CENPC: variants seen among roughly 807,000 people sequenced by gnomAD.
CENPC encodes the protein CENP-C 1.
Under a neutral mutation model 112.1 loss-of-function variants are expected in CENPC, and 63 were observed. That is an observed-to-expected ratio of 0.56 (90% CI 0.46 to 0.69). The LOEUF (loss-of-function observed/expected upper bound fraction) is 0.69, where lower values mean the gene tolerates loss of function less well. Ranked by LOEUF, CENPC falls within the 30% of genes least tolerant of loss-of-function variation. The probability of loss-of-function intolerance (pLI) is 0.00; values close to 1 mark genes in which losing one functional copy is unlikely to be tolerated. For synonymous variants in CENPC, 333 were observed against 367.6 expected (o/e 0.91, Z 1.08); for missense variants, 1,000 against 1,103.8 (o/e 0.91, Z 1.33).
At chr4:67,538,501 G>A (rs965558470) in intron 4 of CENPC, among the ~76,000 whole-genome samples, 1 of 152,162 alleles carries the variant, frequency 6.6e-6, no homozygotes, top group Non-Finnish European at 1.5e-5. Flanking sequence ...CAAATGAGGT[G>A]AACCCTCTGA....
intron 12 of CENPC, among the ~76,000 whole-genome samples, chr4:67,497,082 T>C (rs1478889350): frequency 6.6e-6 from 1 of 152,070 alleles, no homozygotes; most frequent in Non-Finnish European, 1.5e-5. Context: ...GAGAAGAACT[T>C]GTAATAAATA....
At chr4:67,505,092 GT>G in intron 12 of CENPC, 112 bp downstream of exon 12, 1 of 719,338 alleles carries the variant, frequency 1.4e-6, no homozygotes, top group South Asian at 1.7e-5. Flanking sequence ...GTCTTAAGAG[GT>G]AGGTACTCAA....
intron 16 of CENPC, 108 bp from the exon 17 acceptor site, chr4:67,490,229 T>C: frequency 1.4e-6 from 1 of 727,366 alleles, no homozygotes; most frequent in Non-Finnish European, 2.0e-6. Flanking sequence ...TAAATCTGCC[T>C]TAGAGAGTTG....
In CENPC at chr4:67,471,707, T is replaced by G. The variant is rs906462723; in HGVS notation, c.*898A>C. On this transcript the variant is annotated 3_prime_UTR_variant, in exon 19 of 19. Coordinates refer to ENST00000273853, the MANE Select transcript of CENPC (RefSeq NM_001812.4). ...TGAAAAGGGAGTTGGCCTAAAAATA[T>G]TTTTACCGTAAAACATCAATTTCTT... 6.6e-6 allele frequency: 1 copy of G among 152,120 alleles called. No homozygotes were observed. The highest frequency in any genetic ancestry group is 6.6e-5 in the Admixed American group (1 of 15,264). 9.4% of individuals were successfully genotyped at this position (152,120 alleles called of 1,614,324 possible).
In CENPC at chr4:67,536,465, C is replaced by G. The variant is rs868088732; in HGVS notation, c.231+3375G>C. Reference sequence around the variant, plus strand: ...AAGCTCGGTTGTGTTTCAGTTAAAACCTACGGAGTCATATCTTATTTTACT... The same window carrying G: ...AAGCTCGGTTGTGTTTCAGTTAAAAGCTACGGAGTCATATCTTATTTTACT... On this transcript the variant is annotated intron_variant, in intron 4 of 18. Transcript: ENST00000273853. Among the ~76,000 whole-genome samples, 7 of 152,200 alleles carry G rather than the reference C, an allele frequency of 4.6e-5. 1 individual carries two copies. The South Asian group carries it at 1.2e-3, about 27-fold the overall frequency.
intron 5 of CENPC, among the ~76,000 whole-genome samples, chr4:67,520,979 T>C (rs1726209398): frequency 6.6e-6 from 1 of 151,614 alleles, no homozygotes; most frequent in Admixed American, 6.6e-5. Flanking sequence ...ACCACTGCCC[T>C]CCAGCCTGAG....
intron 17 of CENPC, among the ~76,000 whole-genome samples, chr4:67,484,806 T>C (rs1023648866): frequency 6.6e-6 from 1 of 152,184 alleles, no homozygotes; most frequent in African/African-American, 2.4e-5. Flanking sequence ...ATAAAGATTA[T>C]CACCGCACTG....
intron 12 of CENPC, among the ~76,000 whole-genome samples, chr4:67,497,996 C>T (rs1219325336): frequency 2.0e-5 from 3 of 151,788 alleles, no homozygotes; most frequent in Non-Finnish European, 4.4e-5. Context: ...TTTGGGAGGC[C>T]CAGGAGGGTG....
At position 67,505,989 on chromosome 4, in the gene CENPC, G is replaced by A. The variant is rs115611705; in HGVS notation, c.2052-705C>T. ...GAATTTAAAATGTGGTCCAGAAATTGTCAGAGATGATTCAGCCTCTCCTAG... is the reference window on the plus strand; with the variant it reads ...GAATTTAAAATGTGGTCCAGAAATTATCAGAGATGATTCAGCCTCTCCTAG... On this transcript the variant is annotated intron_variant, in intron 11 of 18. Transcript: ENST00000273853. Among the ~76,000 whole-genome samples, 438 of 152,158 alleles carry A rather than the reference G, an allele frequency of 2.9e-3. 2 individuals carry two copies. The highest frequency in any genetic ancestry group is 9.6e-3 in the African/African-American group (398 of 41,536).
chr4:67,528,348 T>A (rs1043265020), intron 5 of CENPC, among the ~76,000 whole-genome samples: 1 of 152,176 alleles, frequency 6.6e-6, no homozygotes, highest in African/African-American at 2.4e-5. Flanking sequence ...TTTACAATAT[T>A]AACCATTTAT....
In CENPC at chr4:67,507,023, T is replaced by C. The variant is rs1254931572; in HGVS notation, c.1905-89A>G. On this transcript the variant is annotated intron_variant, in intron 10 of 18. Coordinates refer to ENST00000273853, the MANE Select transcript of CENPC (RefSeq NM_001812.4). ...GATACACAGGTGGGTACAAAGACAATGTAATATTGGCTATAACGAATATCA... is the reference window on the plus strand; with the variant it reads ...GATACACAGGTGGGTACAAAGACAACGTAATATTGGCTATAACGAATATCA... 4.6e-6 allele frequency: 4 copies of C among 871,310 alleles called. No individual in the cohort carries two copies. The African/African-American group carries it at 5.2e-5, about 11-fold the overall frequency. 54.0% of individuals were successfully genotyped at this position (871,310 alleles called of 1,614,324 possible). A position where few individuals can be genotyped will look rare whatever the true frequency, so the allele number is the denominator to read the frequency against.
At chr4:67,505,315 T>C (rs1487189329) in intron 11 of CENPC, 31 bp from the exon 12 acceptor site, 7 of 1,278,896 alleles carry the variant, frequency 5.5e-6, no homozygotes, top group East Asian at 5.0e-5. Flanking sequence ...ACAAAATTAA[T>C]GCTTTTATAA....
At position 67,525,025 on chromosome 4, in the gene CENPC, C is replaced by T. The variant is rs764644693; in HGVS notation, c.332-5523G>A. Among the ~76,000 whole-genome samples, 29 of 152,098 alleles carry T rather than the reference C, an allele frequency of 1.9e-4. 1 individual carries two copies. The highest frequency in any genetic ancestry group is 1.5e-5 in the Non-Finnish European group (1 of 68,022). ...CAGAGGCCTCAGAAATAACACCACA[C>T]ATCTACAACCGTTTGCTCTTCGACA... On this transcript the variant is annotated intron_variant, in intron 5 of 18. Transcript: ENST00000273853.
chr4:67,503,077 G>T (rs1210056784), intron 12 of CENPC, among the ~76,000 whole-genome samples: 1 of 152,126 alleles, frequency 6.6e-6, no homozygotes, highest in Non-Finnish European at 1.5e-5. Context: ...GTCAAGTCAT[G>T]TCTCTCTTCT....
At chr4:67,490,540 G>A (rs565372002) in intron 16 of CENPC, among the ~76,000 whole-genome samples, 1 of 151,886 alleles carries the variant, frequency 6.6e-6, no homozygotes, top group Non-Finnish European at 1.5e-5. Context: ...AGAATTAGCT[G>A]AGATAAAAAA....
intron 12 of CENPC, among the ~76,000 whole-genome samples, chr4:67,496,023 C>T (rs1183859273): frequency 1.3e-5 from 2 of 152,160 alleles, no homozygotes; most frequent in African/African-American, 4.8e-5. Context: ...GCTTAAAAGG[C>T]TAAGTCCTAA....
intron 15 of CENPC, among the ~76,000 whole-genome samples, 173 bp from the exon 16 acceptor site, chr4:67,492,448 T>C (rs1725311002): frequency 6.6e-6 from 1 of 152,174 alleles, no homozygotes; most frequent in Non-Finnish European, 1.5e-5. Flanking sequence ...TAAAAACCCA[T>C]AATGATTTAA....
At position 67,482,475 on chromosome 4, in the gene CENPC, A is replaced by C. The variant is rs113372534; in HGVS notation, c.2670+7492T>G. Among the ~76,000 whole-genome samples the C allele has an allele frequency of 3.6e-3, 553 of 152,378 alleles. 2 individuals are homozygous for C. Among genetic ancestry groups the C allele is most frequent in the South Asian group, 7.0e-3 (34 of 4,828 alleles). On this transcript the variant is annotated intron_variant, in intron 17 of 18. Transcript: ENST00000273853. ...GTACATTTATAGCAGCATAATGTGC[A>C]ACTGCAGAAATACGGAACCAACCCA...
chr4:67,495,671 A>G (rs1725412482), intron 12 of CENPC, among the ~76,000 whole-genome samples: 1 of 152,216 alleles, frequency 6.6e-6, no homozygotes, highest in African/African-American at 2.4e-5. Flanking sequence ...CAAAAAAAAC[A>G]ACAGATTTTC....
Sources: gnomAD v4.1 joint callset for allele counts (sites outside exome capture counted in the v4.1 genomes callset) on GRCh38, gnomAD v4.1.1 for gene constraint, MANE v1.5 for transcripts, NCBI Gene and HGNC (gene_info 2026-07-23, HGNC 2026-07-21) for gene names.